The following METTL22 variants were observed in gnomAD, a reference collection of about 807,000 sequenced individuals.
METTL22 encodes the protein methyltransferase 22, Kin17 lysine, also known as methyltransferase-like protein 22.
METTL22 carries 51 observed loss-of-function variants against 48.4 expected under a neutral mutation model. The ratio of observed to expected loss-of-function variants is 1.05; its 90% CI spans 0.84 to 1.33. METTL22 has a LOEUF of 1.33. Among genes scored for constraint, METTL22 ranks in the 40% most tolerant of loss-of-function variants. The pLI is 0.00. For missense variants in METTL22, 678 were observed against 526.9 expected, an observed-to-expected ratio of 1.29 and a Z score of -2.81; for synonymous variants, 255 against 214.1, an observed-to-expected ratio of 1.19 and a Z score of -1.67.
chr16:8,641,331 C>G, intron 7 of METTL22, 147 bp downstream of exon 7: 2 of 771,818 alleles, frequency 2.6e-6, no homozygotes, highest in Non-Finnish European at 4.6e-6. Context: ...CTCCATTGGC[C>G]GATGAGCACC....
the METTL22 span, chr16:8,667,159 G>A: frequency 6.6e-6 from 1 of 151,978 alleles, no homozygotes; most frequent in Non-Finnish European, 1.5e-5. Flanking sequence ...GAGGGAGAAA[G>A]GATGCCTGGG....
intron 1 of METTL22, chr16:8,623,690 G>T (rs2055940936): frequency 6.6e-6 from 1 of 152,206 alleles, no homozygotes; most frequent in East Asian, 1.9e-4. Flanking sequence ...ATGGTGTTGA[G>T]TAGGAAAGCT....
Position 8,635,206 on chromosome 16 carries a change from G to T in METTL22, c.594G>T (p.Leu198=), listed in dbSNP as rs1278197430. The T allele has an allele frequency of 1.2e-6, 2 of 1,611,320 alleles. No homozygotes were observed. The highest frequency in any genetic ancestry group is 1.7e-5 in the Admixed American group (1 of 59,864). ...RGALLLADYI[L]FRQDLFRGCT... ...CCCTGCTCCTGGCAGACTACATCCT[G>T]TTCCGACAGGACCTCTTCCGAGGAT... is the stretch of plus-strand genomic sequence containing the variant. Residue 198 remains leucine, a synonymous_variant, in exon 5 of 11, where the codon CTG becomes CTT. Transcript: ENST00000381920.
the METTL22 span, among the ~76,000 whole-genome samples, chr16:8,656,537 T>A: frequency 6.6e-6 from 1 of 152,248 alleles, no homozygotes; most frequent in African/African-American, 2.4e-5. Flanking sequence ...ATTCTCTGCT[T>A]CTGAGAAAAC....
intron 3 of METTL22, among the ~76,000 whole-genome samples, chr16:8,629,513 C>G (rs2056183243): frequency 6.6e-6 from 1 of 152,144 alleles, no homozygotes; most frequent in Non-Finnish European, 1.5e-5. Flanking sequence ...GCTGGGCTGG[C>G]AGTAGGGAGC....
In METTL22 at chr16:8,647,603, G is replaced by A. The variant is rs933487; in HGVS notation, c.*1460G>A. On this transcript the variant is annotated 3_prime_UTR_variant, in exon 11 of 11. Transcript: ENST00000381920. ...CGTTCTATAATGCGGTAATCACGGAGCATCCCCCACAACACAAAATGATCC... is the reference window on the plus strand; with the variant it reads ...CGTTCTATAATGCGGTAATCACGGAACATCCCCCACAACACAAAATGATCC... 150,321 of 152,218 alleles carry A rather than the reference G, an allele frequency of 0.99. 74,257 individuals carry two copies. The highest frequency in any genetic ancestry group is 1 in the Middle Eastern group (294 of 294). 9.4% of individuals were successfully genotyped at this position (152,218 alleles called of 1,614,324 possible). A position where few individuals can be genotyped will look rare whatever the true frequency, so the allele number is the denominator to read the frequency against.
Position 8,625,522 on chromosome 16 carries a change from C to G in METTL22, c.-144C>G. The G allele has an allele frequency of 3.3e-6, 2 of 611,388 alleles. No homozygotes were observed. The highest frequency in any genetic ancestry group is 5.3e-6 in the Non-Finnish European group (2 of 379,838). 37.9% of individuals were successfully genotyped at this position (611,388 alleles called of 1,614,324 possible). A position where few individuals can be genotyped will look rare whatever the true frequency, so the allele number is the denominator to read the frequency against. On this transcript the variant is annotated 5_prime_UTR_variant, in exon 2 of 11. Transcript: ENST00000381920. The stretch of plus-strand genomic sequence containing the variant: ...TGGATTCTCTTCCCTGGCCAAGTCT[C>G]TGAGATCTTCTCCCAGGGCGATGCA...
At chr16:8,645,107 T>A (rs1042029774) in intron 10 of METTL22, 5 of 167,714 alleles carry the variant, frequency 3.0e-5, no homozygotes, top group African/African-American at 1.2e-4. Context: ...TGGCCGCTGC[T>A]CACATCTTCA....
chr16:8,651,853 G>A (rs1293274992), downstream of METTL22, among the ~76,000 whole-genome samples: 1 of 152,100 alleles, frequency 6.6e-6, no homozygotes, highest in Admixed American at 6.6e-5. Flanking sequence ...ATCACACACC[G>A]GGGCCTTTTG....
intron 9 of METTL22, among the ~76,000 whole-genome samples, chr16:8,643,460 G>A (rs1268308916): frequency 1.3e-5 from 2 of 152,196 alleles, no homozygotes; most frequent in Admixed American, 6.5e-5. Flanking sequence ...GACACACACT[G>A]ACATTTCCAG....
In METTL22 at chr16:8,642,152, A is replaced by C; in HGVS notation, c.852A>C (p.Ser284=). The C allele has an allele frequency of 6.2e-7, 1 of 1,613,810 alleles. No homozygotes were observed. The highest frequency in any genetic ancestry group is 2.2e-5 in the East Asian group (1 of 44,878). ...CTDPKVPFSW[S]QEEISDLYDH... The stretch of plus-strand genomic sequence containing the variant: ...ATCCCAAGGTCCCCTTCAGTTGGTC[A>C]CAAGAGGAAATTTCTGACTTGTACG... Residue 284 remains serine (S), a synonymous_variant, in exon 8 of 11, where the codon TCA becomes TCC. Coordinates refer to ENST00000381920, the MANE Select transcript of METTL22 (RefSeq NM_024109.4).
At position 8,646,166 on chromosome 16, in the gene METTL22, G is replaced by C. The variant is rs535563216; in HGVS notation, c.*23G>C. The C allele has an allele frequency of 4.5e-5, 73 of 1,613,962 alleles. No individual in the cohort carries two copies. In the African/African-American group the frequency reaches 8.9e-4, roughly 20 times the overall value. ...TGACCCATCGCCTCCACAAGGCGCG[G>C]CGTCTCGACTGTTCTTAGAGTGTAT... On this transcript the variant is annotated 3_prime_UTR_variant, in exon 11 of 11. Transcript: ENST00000381920.
chr16:8,641,305 G>A (rs2056609939), intron 7 of METTL22, 121 bp downstream of exon 7: 2 of 934,746 alleles, frequency 2.1e-6, no homozygotes, highest in Non-Finnish European at 3.5e-6. Flanking sequence ...AGTCCCATCG[G>A]CGCATGGCAG....
chr16:8,637,197 G>A (rs1412275220), intron 5 of METTL22, among the ~76,000 whole-genome samples: 1 of 152,152 alleles, frequency 6.6e-6, no homozygotes, highest in Non-Finnish European at 1.5e-5. Context: ...ACAGACTTTT[G>A]TTTCTGAGAT....
At chr16:8,626,868 G>A (rs988214985) in intron 2 of METTL22, among the ~76,000 whole-genome samples, 2 of 139,850 alleles carry the variant, frequency 1.4e-5, no homozygotes, top group African/African-American at 2.7e-5. Context: ...CCGGGTTCAC[G>A]CCATTCTCCT....
chr16:8,643,706 C>T (rs190988474), intron 9 of METTL22, among the ~76,000 whole-genome samples: 62 of 152,186 alleles, frequency 4.1e-4, no homozygotes, highest in African/African-American at 1.3e-3. Flanking sequence ...CGCCACCTCC[C>T]GGGTTCACAC....
intron 6 of METTL22, among the ~76,000 whole-genome samples, 166 bp from the exon 7 acceptor site, chr16:8,640,965 G>GCTGTCTGGCTGT (rs1481087938): frequency 1.2e-5 from 1 of 86,394 alleles, no homozygotes; most frequent in Non-Finnish European, 2.9e-5. Flanking sequence ...TGGCTGGCTG[G>GCTGTCTGGCTGT]CTGGCTGGCT....
At chr16:8,664,476 TG>T in the METTL22 span, among the ~76,000 whole-genome samples, 1 of 151,592 alleles carries the variant, frequency 6.6e-6, no homozygotes, top group African/African-American at 2.4e-5. Flanking sequence ...TTTTTTGAGA[TG>T]GGGTCTTGCT....
At chr16:8,644,484 C>T (rs769022947) in intron 9 of METTL22, 73 bp from the exon 10 acceptor site, 1 of 1,447,142 alleles carries the variant, frequency 6.9e-7, no homozygotes, top group South Asian at 1.4e-5. Flanking sequence ...GATAGGAAAG[C>T]AAGGTGGGCA....
Sources: gnomAD v4.1 joint callset for allele counts (sites outside exome capture counted in the v4.1 genomes callset) on GRCh38, gnomAD v4.1.1 for gene constraint, MANE v1.5 for transcripts, NCBI Gene and HGNC (gene_info 2026-07-23, HGNC 2026-07-21) for gene names.